PDLIM5: variants seen among roughly 807,000 people sequenced by gnomAD.
The protein encoded by PDLIM5 is PDZ and LIM domain 5, also known as PDZ and LIM domain protein 5.
PDLIM5 carries 34 observed loss-of-function variants against 64.2 expected under a neutral mutation model. The ratio of observed to expected loss-of-function variants is 0.53; its 90% CI spans 0.40 to 0.71. PDLIM5 has a LOEUF of 0.71. PDLIM5 is among the 30% of genes least tolerant of loss of function. The pLI is 0.00. For missense variants in PDLIM5, 683 were observed against 733.6 expected (o/e 0.93, Z 0.80); for synonymous variants, 253 against 269.1 (o/e 0.94, Z 0.59).
rs115890854 is a variant in PDLIM5 at position 94,609,034 on chromosome 4, A to G, written c.921-8970A>G. On this transcript the variant is annotated intron_variant, in intron 7 of 12. Coordinates refer to ENST00000317968, the MANE Select transcript of PDLIM5 (RefSeq NM_006457.5). ...AAACATAGCTTGCAACTATTTCCTT[A>G]ATTTTTTTTCTAATCGTTTTTGTAA... Among the ~76,000 whole-genome samples the G allele has an allele frequency of 5.2e-3, 799 of 152,260 alleles. 6 individuals are homozygous for G. The highest frequency in any genetic ancestry group is 0.018 in the African/African-American group (754 of 41,576).
intron 9 of PDLIM5, among the ~76,000 whole-genome samples, chr4:94,649,912 C>T (rs1267781172): frequency 6.6e-6 from 1 of 152,150 alleles, no homozygotes; most frequent in Admixed American, 6.5e-5. Context: ...TTTACCTGTG[C>T]ATTTATTTTG....
In PDLIM5 at chr4:94,587,191, C is replaced by G. The variant is rs560079610; in HGVS notation, c.920+747C>G. ...AAATTTGCCTTATGAAAAAATAGAA[C>G]TTTTTCTATACTTTTCTAACAATTT... On this transcript the variant is annotated intron_variant, in intron 7 of 12. Coordinates refer to ENST00000317968, the MANE Select transcript of PDLIM5 (RefSeq NM_006457.5). The G allele has an allele frequency of 1.6e-4, 227 of 1,454,252 alleles. No homozygotes were observed. In the African/African-American group the frequency reaches 3.4e-3, roughly 22 times the overall value. The allele number at this position is 1,454,252 out of a possible 1,614,324, so 90.1% of individuals were successfully genotyped here.
chr4:94,540,984 C>A (rs1483951654), intron 3 of PDLIM5, among the ~76,000 whole-genome samples: 1 of 152,138 alleles, frequency 6.6e-6, no homozygotes, highest in African/African-American at 2.4e-5. Context: ...GAGAGGTCAT[C>A]AGAACGATAC....
intron 9 of PDLIM5, among the ~76,000 whole-genome samples, chr4:94,646,084 T>G (rs911818379): frequency 6.6e-6 from 1 of 152,156 alleles, no homozygotes; most frequent in South Asian, 2.1e-4. Flanking sequence ...CGTTGAGTAT[T>G]TTGTGTGCCG....
At chr4:94,568,545 T>A (rs188268134) in intron 3 of PDLIM5, among the ~76,000 whole-genome samples, 1 of 152,268 alleles carries the variant, frequency 6.6e-6, no homozygotes, top group African/African-American at 2.4e-5. Context: ...TATAAAAATT[T>A]TATAAATACT....
chr4:94,608,131 T>C (rs1308179138), intron 7 of PDLIM5: 1 of 1,531,000 alleles, frequency 6.5e-7, no homozygotes, highest in Non-Finnish European at 8.8e-7. Context: ...TGTTAACTAT[T>C]GGTAGCCAAG....
intron 7 of PDLIM5, among the ~76,000 whole-genome samples, chr4:94,591,330 A>C (rs1736658610): frequency 6.6e-6 from 1 of 152,178 alleles, no homozygotes; most frequent in African/African-American, 2.4e-5. Flanking sequence ...GCAAGTGATA[A>C]ATTCTGGGGT....
intron 7 of PDLIM5, among the ~76,000 whole-genome samples, chr4:94,606,154 T>C (rs930893911): frequency 2.0e-5 from 3 of 152,216 alleles, no homozygotes; most frequent in Admixed American, 1.3e-4. Context: ...TTCACAAATA[T>C]TTGTTAACTT....
At chr4:94,638,312 G>A (rs772944856) in intron 8 of PDLIM5, among the ~76,000 whole-genome samples, 1 of 152,158 alleles carries the variant, frequency 6.6e-6, no homozygotes, top group African/African-American at 2.4e-5. Flanking sequence ...ATTTCTGTAA[G>A]AGAAAAGTGT....
At chr4:94,576,429 A>G (rs759523844) in intron 5 of PDLIM5, among the ~76,000 whole-genome samples, 2 of 152,206 alleles carry the variant, frequency 1.3e-5, no homozygotes, top group Non-Finnish European at 2.9e-5. Flanking sequence ...TACACAACTC[A>G]TCGTAAGGAG....
At chr4:94,584,558 G>T in intron 5 of PDLIM5, 1 of 160,072 alleles carries the variant, frequency 6.2e-6, no homozygotes. Context: ...TGCTAATAAT[G>T]CCATACCTCT....
At chr4:94,546,920 A>G (rs1194984723) in intron 3 of PDLIM5, among the ~76,000 whole-genome samples, 3 of 151,934 alleles carry the variant, frequency 2.0e-5, no homozygotes, top group Admixed American at 1.3e-4. Context: ...ATTAATTAAC[A>G]TTGTAACATC....
chr4:94,648,268 A>C (rs559230993), intron 9 of PDLIM5, among the ~76,000 whole-genome samples: 2 of 150,840 alleles, frequency 1.3e-5, no homozygotes, highest in African/African-American at 4.8e-5. Context: ...ACTACCAAGA[A>C]AAAAAAAAAG....
chr4:94,575,838 C>G lies in PDLIM5; in HGVS notation c.514C>G (p.Pro172Ala), dbSNP rs1735200775. The G allele has an allele frequency of 1.2e-6, 2 of 1,614,042 alleles. No individual in the cohort carries two copies. The highest frequency in any genetic ancestry group is 1.7e-6 in the Non-Finnish European group (2 of 1,180,026). Residue 172 changes from proline (P) to alanine (A), a missense_variant, in exon 5 of 13, where the codon CCC becomes GCC. Pro to Ala is a conservative substitution (Grantham distance 27, BLOSUM62 -1). Transcript: ENST00000317968. ...SPSPVAAVTPPLFAASGLHAN... is the reference protein window; with the variant it reads ...SPSPVAAVTPALFAASGLHAN... ...TTCACCCGTGGCTGCCGTCACTCCTCCCCTGTTCGCTGCATCTGGACTGCA... is the reference window on the plus strand; with the variant it reads ...TTCACCCGTGGCTGCCGTCACTCCTGCCCTGTTCGCTGCATCTGGACTGCA...
At position 94,468,151 on chromosome 4, in the gene PDLIM5, C is replaced by G. The variant is rs144658911; in HGVS notation, c.96+12767C>G. Reference sequence around the variant, plus strand: ...GCTTGATGGAACTTTCACTTTTTTCCCTCTATGCACTTTTTTTTTTGGGAT... The same window carrying G: ...GCTTGATGGAACTTTCACTTTTTTCGCTCTATGCACTTTTTTTTTTGGGAT... On this transcript the variant is annotated intron_variant, in intron 2 of 12. Transcript: ENST00000317968. Among the ~76,000 whole-genome samples, 517 of 151,912 alleles carry G rather than the reference C, an allele frequency of 3.4e-3. 1 individual carries two copies. Among genetic ancestry groups the G allele is most frequent in the African/African-American group, 0.012 (481 of 41,410 alleles).
At chr4:94,553,016 TCCCCTTA>T (rs1417529294) in intron 3 of PDLIM5, among the ~76,000 whole-genome samples, 1 of 146,404 alleles carries the variant, frequency 6.8e-6, no homozygotes, top group Non-Finnish European at 1.5e-5. Flanking sequence ...TTTTTGCCCC[TCCCCTTA>T]CCTGGTCTCT....
At chr4:94,615,279 T>C (rs912367753) in intron 7 of PDLIM5, among the ~76,000 whole-genome samples, 6 of 152,168 alleles carry the variant, frequency 3.9e-5, no homozygotes, top group Admixed American at 2.6e-4. Flanking sequence ...TAATAGTAAT[T>C]TTAAAACAGC....
intron 7 of PDLIM5, chr4:94,586,928 C>G: frequency 7.3e-7 from 1 of 1,376,518 alleles, no homozygotes; most frequent in Non-Finnish European, 9.8e-7. Context: ...AACCTTTTTC[C>G]TTCTATTTCT....
chr4:94,530,026 T>A (rs1730719141), intron 3 of PDLIM5, among the ~76,000 whole-genome samples: 2 of 152,144 alleles, frequency 1.3e-5, no homozygotes. Context: ...TTAGAACTGG[T>A]TTCTATGAAA....
Sources: gnomAD v4.1 joint callset for allele counts (sites outside exome capture counted in the v4.1 genomes callset) on GRCh38, gnomAD v4.1.1 for gene constraint, MANE v1.5 for transcripts, NCBI Gene and HGNC (gene_info 2026-07-23, HGNC 2026-07-21) for gene names.